The following REC114 variants were observed in gnomAD, a reference collection of about 807,000 sequenced individuals.
REC114 encodes the protein REC114 meiotic recombination protein, also known as meiotic recombination protein REC114.
Under a neutral mutation model 31.3 loss-of-function variants are expected in REC114, and 27 were observed. That is an observed-to-expected ratio of 0.86 (90% CI 0.64 to 1.19). The LOEUF (loss-of-function observed/expected upper bound fraction) is 1.19, where lower values mean the gene tolerates loss of function less well. REC114 is among the 50% of genes most tolerant of loss of function. The pLI is 0.00. For missense variants in REC114, 344 were observed against 326.9 expected, an observed-to-expected ratio of 1.05 and a Z score of -0.40; for synonymous variants, 134 against 127.7, an observed-to-expected ratio of 1.05 and a Z score of -0.33.
At chr15:73,489,200 C>CCT (rs1893412278) in intron 2 of REC114, among the ~76,000 whole-genome samples, 1 of 126,262 alleles carries the variant, frequency 7.9e-6, no homozygotes. Context: ...CCTCCCCCAC[C>CCT]TTTTTTTTTT....
intron 1 of REC114, among the ~76,000 whole-genome samples, chr15:73,460,892 A>G (rs1892980593): frequency 6.6e-6 from 1 of 151,920 alleles, no homozygotes. Flanking sequence ...CTTCTGTTAC[A>G]TGGAAAGTGT....
rs920449441 is a variant in REC114 at position 73,466,855 on chromosome 15, A to C, written c.160-6977A>C. On this transcript the variant is annotated intron_variant, in intron 1 of 5. Coordinates refer to ENST00000331090, the MANE Select transcript of REC114 (RefSeq NM_001042367.2). ...AAAAATGACAGAATTGGAGTGCCTC[A>C]AGTTGTTTCTTGGTCTTTACAATCA... 3.3e-5 allele frequency among the ~76,000 whole-genome samples: 5 copies of C among 152,222 alleles called. No homozygotes were observed. The East Asian group carries it at 9.6e-4, about 29-fold the overall frequency.
At chr15:73,447,304 A>G (rs1243828208) in intron 1 of REC114, among the ~76,000 whole-genome samples, 1 of 152,232 alleles carries the variant, frequency 6.6e-6, no homozygotes, top group Non-Finnish European at 1.5e-5. Context: ...GTGAGTCATC[A>G]GCATAAAGGT....
intron 2 of REC114, among the ~76,000 whole-genome samples, chr15:73,490,941 T>C (rs1367766375): frequency 6.6e-6 from 1 of 152,214 alleles, no homozygotes; most frequent in East Asian, 1.9e-4. Flanking sequence ...TATTGTAATA[T>C]GTGCTCTTTT....
At chr15:73,524,733 G>A (rs548294394) in intron 2 of REC114, among the ~76,000 whole-genome samples, 1 of 152,214 alleles carries the variant, frequency 6.6e-6, no homozygotes, top group South Asian at 2.1e-4. Flanking sequence ...GAGTAGCTGG[G>A]ACTACAGGCA....
chr15:73,544,822 G>C (rs1894286687), intron 3 of REC114, among the ~76,000 whole-genome samples: 1 of 152,166 alleles, frequency 6.6e-6, no homozygotes, highest in Non-Finnish European at 1.5e-5. Flanking sequence ...ATTAGCGGTG[G>C]GGAAAACTGC....
chr15:73,455,426 C>T (rs1892902442), intron 1 of REC114, among the ~76,000 whole-genome samples: 2 of 151,936 alleles, frequency 1.3e-5, no homozygotes, highest in Non-Finnish European at 1.5e-5. Context: ...AGAATCTGTT[C>T]TCCTGGTACT....
intron 2 of REC114, among the ~76,000 whole-genome samples, chr15:73,492,186 G>A (rs997889593): frequency 1.3e-5 from 2 of 152,104 alleles, no homozygotes; most frequent in African/African-American, 2.4e-5. Context: ...ACCCCACTCC[G>A]CAAAGACTAA....
Position 73,547,443 on chromosome 15 carries a change from G to A in REC114, c.334-3495G>A, listed in dbSNP as rs1467212210. Among the ~76,000 whole-genome samples the A allele has an allele frequency of 2.0e-5, 3 of 152,272 alleles. No individual in the cohort carries two copies. In the East Asian group the frequency reaches 5.8e-4, roughly 29 times the overall value. Reference sequence around the variant, plus strand: ...AAAAGGGGACCCTGTTAAATGGTTGGTGGGAATGTAAACTAGTACAACCAT... The same window carrying A: ...AAAAGGGGACCCTGTTAAATGGTTGATGGGAATGTAAACTAGTACAACCAT... On this transcript the variant is annotated intron_variant, in intron 3 of 5. Transcript: ENST00000331090.
chr15:73,502,678 T>G (rs946974666), intron 2 of REC114, among the ~76,000 whole-genome samples: 4 of 152,172 alleles, frequency 2.6e-5, no homozygotes, highest in African/African-American at 9.7e-5. Context: ...GAAGAAAATC[T>G]GCCTATACAT....
chr15:73,476,797 G>T (rs1292555559), intron 2 of REC114, among the ~76,000 whole-genome samples: 2 of 152,030 alleles, frequency 1.3e-5, no homozygotes, highest in Non-Finnish European at 2.9e-5. Flanking sequence ...TAGACATTGG[G>T]GTGGTTTTCA....
chr15:73,537,676 G>A (rs1372733929), intron 2 of REC114, among the ~76,000 whole-genome samples: 1 of 152,202 alleles, frequency 6.6e-6, no homozygotes, highest in African/African-American at 2.4e-5. Flanking sequence ...TTATGCATAA[G>A]CATTAAGCAT....
At chr15:73,508,965 T>A (rs1893723510) in intron 2 of REC114, among the ~76,000 whole-genome samples, 1 of 150,354 alleles carries the variant, frequency 6.7e-6, no homozygotes, top group Admixed American at 6.6e-5. Flanking sequence ...TACCCAGTAA[T>A]GGGATGGCTG....
intron 2 of REC114, among the ~76,000 whole-genome samples, chr15:73,508,117 C>A (rs1243462369): frequency 7.2e-5 from 11 of 152,258 alleles, no homozygotes; most frequent in Non-Finnish European, 4.4e-5. Context: ...AAACTACAAG[C>A]TCTCTGAGGT....
At chr15:73,517,569 A>G (rs1264495389) in intron 2 of REC114, among the ~76,000 whole-genome samples, 2 of 152,178 alleles carry the variant, frequency 1.3e-5, no homozygotes, top group South Asian at 2.1e-4. Flanking sequence ...GGTTTATGCA[A>G]CTCAACTGAA....
At chr15:73,470,235 G>A (rs551326827) in intron 1 of REC114, among the ~76,000 whole-genome samples, 3 of 151,922 alleles carry the variant, frequency 2.0e-5, no homozygotes, top group Admixed American at 1.3e-4. Context: ...CTTGCCTTTC[G>A]TTTGGATAAA....
chr15:73,521,935 C>G (rs531454518), intron 2 of REC114, among the ~76,000 whole-genome samples: 1 of 152,224 alleles, frequency 6.6e-6, no homozygotes, highest in Non-Finnish European at 1.5e-5. Context: ...GGAATAGTTC[C>G]TAACTCAAAT....
At chr15:73,496,845 A>G (rs1018750354) in intron 2 of REC114, among the ~76,000 whole-genome samples, 8 of 152,234 alleles carry the variant, frequency 5.3e-5, no homozygotes, top group Admixed American at 4.6e-4. Flanking sequence ...TTGCTGGTTC[A>G]GGATCTAACC....
intron 1 of REC114, among the ~76,000 whole-genome samples, chr15:73,448,328 A>G (rs1892797114): frequency 6.6e-6 from 1 of 152,174 alleles, no homozygotes; most frequent in African/African-American, 2.4e-5. Flanking sequence ...GGCATCCGCC[A>G]TTGCTGAGGC....
Sources: allele counts gnomAD v4.1 joint callset (sites outside exome capture counted in the v4.1 genomes callset), GRCh38; gene constraint gnomAD v4.1.1; transcripts MANE v1.5; gene names NCBI Gene and HGNC (gene_info 2026-07-23, HGNC 2026-07-21).